The following SGCZ variants were observed in gnomAD, a reference collection of about 807,000 sequenced individuals.
SGCZ encodes the protein zeta-sarcoglycan.
In SGCZ, 40 loss-of-function variants were observed where a neutral mutation model predicts 41.3. The observed-to-expected ratio is 0.97, with a 90% CI of 0.75 to 1.26. SGCZ has a LOEUF of 1.26. SGCZ is among the 50% of genes most tolerant of loss of function. The pLI is 0.00. For synonymous variants in SGCZ, 206 were observed against 137.5 expected, an observed-to-expected ratio of 1.50 and a Z score of -3.49; for missense variants, 552 against 369.8, an observed-to-expected ratio of 1.49 and a Z score of -4.04.
chr8:14,765,024 T>A (rs1489922013), intron 1 of SGCZ, among the ~76,000 whole-genome samples: 1 of 152,164 alleles, frequency 6.6e-6, no homozygotes, highest in Non-Finnish European at 1.5e-5. Flanking sequence ...AAGATGGAAA[T>A]GAAAGTTATA....
intron 1 of SGCZ, among the ~76,000 whole-genome samples, chr8:15,033,583 C>T (rs548259600): frequency 1.1e-4 from 17 of 152,222 alleles, no homozygotes; most frequent in Admixed American, 3.9e-4. Context: ...GACTCCAGGA[C>T]GAGTCCTATG....
At chr8:14,309,076 G>T (rs1012862267) in intron 3 of SGCZ, 2 of 1,428,204 alleles carry the variant, frequency 1.4e-6, no homozygotes, top group Non-Finnish European at 2.0e-6. Flanking sequence ...CAGAAGAGGA[G>T]AAAACGGAAT....
At chr8:14,933,609 T>C (rs529987295) in intron 1 of SGCZ, among the ~76,000 whole-genome samples, 3 of 151,864 alleles carry the variant, frequency 2.0e-5, no homozygotes, top group Non-Finnish European at 2.9e-5. Flanking sequence ...TTTTTCTTTC[T>C]TTCTTTCTTT....
At chr8:14,417,932 T>C (rs1186112009) in intron 2 of SGCZ, among the ~76,000 whole-genome samples, 2 of 151,892 alleles carry the variant, frequency 1.3e-5, no homozygotes, top group Non-Finnish European at 2.9e-5. Context: ...AATCAGAGAT[T>C]CACATATTTT....
intron 2 of SGCZ, among the ~76,000 whole-genome samples, chr8:14,517,625 A>G (rs904551216): frequency 1.3e-5 from 2 of 152,060 alleles, no homozygotes; most frequent in Admixed American, 1.3e-4. Context: ...ATTACAAAAT[A>G]TAGAAATTAA....
intron 1 of SGCZ, among the ~76,000 whole-genome samples, chr8:15,149,367 G>A (rs1275267286): frequency 1.3e-5 from 2 of 152,064 alleles, no homozygotes; most frequent in African/African-American, 4.8e-5. Flanking sequence ...AGTCTAACTG[G>A]ACTTCTTACT....
chr8:14,715,866 A>C (rs770089574), intron 1 of SGCZ, among the ~76,000 whole-genome samples: 22 of 152,180 alleles, frequency 1.4e-4, no homozygotes, highest in Middle Eastern at 3.2e-3. Flanking sequence ...ACACATCAGG[A>C]AACAAGTTAT....
At chr8:14,394,552 C>T (rs912912253) in intron 2 of SGCZ, among the ~76,000 whole-genome samples, 3 of 152,118 alleles carry the variant, frequency 2.0e-5, no homozygotes, top group African/African-American at 7.2e-5. Context: ...TTCCTGAGAT[C>T]ATGGTTGGTT....
At chr8:14,138,137 T>C (rs1803258540) in intron 5 of SGCZ, among the ~76,000 whole-genome samples, 1 of 152,116 alleles carries the variant, frequency 6.6e-6, no homozygotes, top group South Asian at 2.1e-4. Context: ...TGCTGACAGA[T>C]TTTGTCACCA....
chr8:15,010,653 G>C (rs2127774), intron 1 of SGCZ, among the ~76,000 whole-genome samples: 5 of 152,098 alleles, frequency 3.3e-5, no homozygotes, highest in East Asian at 1.9e-4. Context: ...ATGATGGTTC[G>C]TGTACTGTCA....
At chr8:14,127,570 C>T (rs1484322234) in intron 5 of SGCZ, among the ~76,000 whole-genome samples, 1 of 152,108 alleles carries the variant, frequency 6.6e-6, no homozygotes, top group Non-Finnish European at 1.5e-5. Flanking sequence ...ATTAGCCTGC[C>T]TCAGCCTCCC....
At chr8:14,501,187 A>G (rs998606061) in intron 2 of SGCZ, among the ~76,000 whole-genome samples, 2 of 151,788 alleles carry the variant, frequency 1.3e-5, no homozygotes, top group Admixed American at 1.3e-4. Flanking sequence ...GGAGTGTAGT[A>G]TCATAGAAAC....
chr8:15,100,194 C>G (rs1156458767), intron 1 of SGCZ, among the ~76,000 whole-genome samples: 1 of 152,038 alleles, frequency 6.6e-6, no homozygotes, highest in Non-Finnish European at 1.5e-5. Context: ...ATTGTCTATG[C>G]AGAAAATTGC....
chr8:14,368,228 T>C (rs75917060), intron 2 of SGCZ, among the ~76,000 whole-genome samples: 5,097 of 152,158 alleles, frequency 0.033, 122 homozygotes, highest in Middle Eastern at 0.061. Flanking sequence ...TGTATTTCAA[T>C]AAAATGGCTT....
At chr8:14,919,491 A>G (rs190070499) in intron 1 of SGCZ, among the ~76,000 whole-genome samples, 1 of 152,190 alleles carries the variant, frequency 6.6e-6, no homozygotes, top group Non-Finnish European at 1.5e-5. Flanking sequence ...AATTTGATAC[A>G]TATTGTTCTT....
At chr8:14,221,250 A>G (rs1806185086) in intron 4 of SGCZ, among the ~76,000 whole-genome samples, 1 of 152,232 alleles carries the variant, frequency 6.6e-6, no homozygotes, top group African/African-American at 2.4e-5. Flanking sequence ...GAAAAATGGT[A>G]GCTCTGAACA....
chr8:15,139,425 C>T (rs1474528928), intron 1 of SGCZ, among the ~76,000 whole-genome samples: 1 of 152,150 alleles, frequency 6.6e-6, no homozygotes, highest in Non-Finnish European at 1.5e-5. Flanking sequence ...AAAGATGTTA[C>T]TATTCATACT....
intron 1 of SGCZ, among the ~76,000 whole-genome samples, chr8:14,948,961 C>G (rs1206198376): frequency 6.6e-6 from 1 of 151,630 alleles, no homozygotes. Flanking sequence ...CTTGTGTTCT[C>G]TTTTCCCTCT....
chr8:14,331,976 C>T (rs1802343502), intron 2 of SGCZ, among the ~76,000 whole-genome samples: 1 of 151,644 alleles, frequency 6.6e-6, no homozygotes, highest in Non-Finnish European at 1.5e-5. Flanking sequence ...TTATACAATA[C>T]ATGTAATATA....
Sources: allele counts gnomAD v4.1 joint callset (sites outside exome capture counted in the v4.1 genomes callset), GRCh38; gene constraint gnomAD v4.1.1; transcripts MANE v1.5; gene names NCBI Gene and HGNC (gene_info 2026-07-23, HGNC 2026-07-21).